HHLA2: variants seen among roughly 807,000 people sequenced by gnomAD.
The protein encoded by HHLA2 is HERV-H LTR-associating protein 2.
HHLA2 carries 48 observed loss-of-function variants against 45.9 expected under a neutral mutation model. The observed-to-expected ratio is 1.05, with a 90% CI of 0.83 to 1.33. The LOEUF is 1.33. Among genes scored for constraint, HHLA2 ranks in the 40% most tolerant of loss-of-function variants. The pLI is 0.00. For missense variants in HHLA2, 462 were observed against 494.3 expected, an observed-to-expected ratio of 0.93 and a Z score of 0.62; for synonymous variants, 161 against 173.9, an observed-to-expected ratio of 0.93 and a Z score of 0.59.
chr3:108,365,078 A>G (rs184838488), intron 8 of HHLA2, among the ~76,000 whole-genome samples: 1 of 152,276 alleles, frequency 6.6e-6, no homozygotes, highest in East Asian at 1.9e-4. Context: ...GTCCATGTCT[A>G]TGTCCTGAAT....
intron 3 of HHLA2, among the ~76,000 whole-genome samples, chr3:108,330,723 A>G (rs925811880): frequency 3.3e-5 from 5 of 152,286 alleles, no homozygotes; most frequent in African/African-American, 1.2e-4. Flanking sequence ...CCCAAGCCTC[A>G]GATGAGACTG....
intron 1 of HHLA2, among the ~76,000 whole-genome samples, chr3:108,308,471 A>C (rs2080966496): frequency 6.6e-6 from 1 of 152,228 alleles, no homozygotes; most frequent in East Asian, 1.9e-4. Context: ...GCTGTAACAA[A>C]CATAGCAGTG....
chr3:108,352,120 C>CAG (rs2081789318), intron 4 of HHLA2, among the ~76,000 whole-genome samples: 2 of 146,454 alleles, frequency 1.4e-5, no homozygotes, highest in South Asian at 4.4e-4. Context: ...AGTAAGTTCA[C>CAG]TGGAAAGGCA....
chr3:108,376,718 T>TA, intron 10 of HHLA2, 161 bp downstream of exon 9: 1 of 550,726 alleles, frequency 1.8e-6, no homozygotes, highest in Non-Finnish European at 3.2e-6. Flanking sequence ...AAAATATAAT[T>TA]AGGCTTTTCC....
At chr3:108,365,430 T>C (rs2082048525) in intron 8 of HHLA2, among the ~76,000 whole-genome samples, 1 of 152,212 alleles carries the variant, frequency 6.6e-6, no homozygotes, top group Admixed American at 6.5e-5. Flanking sequence ...TCAGGCAGCA[T>C]GATGCCTCCA....
intron 2 of HHLA2, among the ~76,000 whole-genome samples, chr3:108,316,770 G>A (rs911776246): frequency 5.3e-5 from 8 of 152,178 alleles, no homozygotes; most frequent in African/African-American, 1.9e-4. Flanking sequence ...TAAATCGCAC[G>A]CTTTAGGCCC....
intron 3 of HHLA2, among the ~76,000 whole-genome samples, chr3:108,340,387 A>C (rs2081543422): frequency 6.6e-6 from 1 of 152,220 alleles, no homozygotes. Context: ...AAATCTTCTT[A>C]TTCTATAAAT....
At chr3:108,349,211 TAA>T (rs56969431) in intron 3 of HHLA2, among the ~76,000 whole-genome samples, 18 of 142,356 alleles carry the variant, frequency 1.3e-4, no homozygotes, top group African/African-American at 2.5e-4. Flanking sequence ...CTGTTTTTTT[TAA>T]AAAAAAAAAT....
At chr3:108,312,436 A>G (rs1161898134) in intron 2 of HHLA2, among the ~76,000 whole-genome samples, 4 of 152,212 alleles carry the variant, frequency 2.6e-5, no homozygotes, top group African/African-American at 9.6e-5. Flanking sequence ...TCCTGCCCAG[A>G]TCCCCTTTTC....
chr3:108,341,800 C>G (rs1472699507), intron 3 of HHLA2, among the ~76,000 whole-genome samples: 1 of 152,200 alleles, frequency 6.6e-6, no homozygotes, highest in Non-Finnish European at 1.5e-5. Flanking sequence ...GGAGCAGAGA[C>G]TCAACAGTGT....
chr3:108,377,931 CT>C (rs1306482788), exon 11 of HHLA2: 5 of 152,192 alleles, frequency 3.3e-5, no homozygotes, highest in African/African-American at 1.2e-4. Flanking sequence ...TCCAGATGGC[CT>C]AAAGTAACTG....
intron 3 of HHLA2, among the ~76,000 whole-genome samples, chr3:108,348,173 A>G (rs2081703048): frequency 6.6e-6 from 1 of 152,020 alleles, no homozygotes; most frequent in African/African-American, 2.4e-5. Flanking sequence ...TTCCACATAA[A>G]TAGGGCAAGC....
At chr3:108,333,339 C>T (rs1411721777) in intron 3 of HHLA2, among the ~76,000 whole-genome samples, 1 of 152,130 alleles carries the variant, frequency 6.6e-6, no homozygotes, top group African/African-American at 2.4e-5. Flanking sequence ...TTGCAAAAAG[C>T]AGCAAAGTCT....
intron 3 of HHLA2, among the ~76,000 whole-genome samples, chr3:108,349,310 G>T (rs868512291): frequency 1.7e-4 from 26 of 150,726 alleles, no homozygotes; most frequent in Admixed American, 4.6e-4. Flanking sequence ...GATAAAGAGG[G>T]TATCAGCACT....
intron 7 of HHLA2, among the ~76,000 whole-genome samples, chr3:108,359,293 C>A (rs1045443310): frequency 5.9e-5 from 9 of 152,066 alleles, no homozygotes; most frequent in Non-Finnish European, 1.0e-4. Flanking sequence ...CATTCCATCT[C>A]TGACAAAAGA....
At chr3:108,334,547 T>G (rs912043648) in intron 3 of HHLA2, among the ~76,000 whole-genome samples, 2 of 152,224 alleles carry the variant, frequency 1.3e-5, no homozygotes, top group Non-Finnish European at 2.9e-5. Flanking sequence ...GGAGCTAATT[T>G]GTGGATTCAG....
chr3:108,374,754 G>T (rs2082242415), intron 8 of HHLA2, among the ~76,000 whole-genome samples: 1 of 145,740 alleles, frequency 6.9e-6, no homozygotes, highest in Admixed American at 6.9e-5. Flanking sequence ...GGCCATCAGA[G>T]AAATGCAAAT....
chr3:108,320,887 G>C (rs1243223609), intron 2 of HHLA2, among the ~76,000 whole-genome samples: 1 of 152,084 alleles, frequency 6.6e-6, no homozygotes, highest in Non-Finnish European at 1.5e-5. Context: ...GGAGTGGCAT[G>C]AATTACCCTG....
chr3:108,340,679 TTAAGGCATTGAAATACA>T (rs2081549049), intron 3 of HHLA2, among the ~76,000 whole-genome samples: 2 of 152,326 alleles, frequency 1.3e-5, no homozygotes, highest in Non-Finnish European at 2.9e-5. Context: ...ATTTATAAAG[TTAAGGCATTGAAATACA>T]AATAGTTATG....
Sources: gnomAD v4.1 joint callset for allele counts (sites outside exome capture counted in the v4.1 genomes callset) on GRCh38, gnomAD v4.1.1 for gene constraint, MANE v1.5 for transcripts, NCBI Gene and HGNC (gene_info 2026-07-23, HGNC 2026-07-21) for gene names.